The following SNRPN variants were observed in gnomAD, a reference collection of about 807,000 sequenced individuals.
SNRPN encodes the protein small nuclear ribonucleoprotein polypeptide N, also known as small nuclear ribonucleoprotein-associated protein N.
A neutral mutation model predicts 25.2 loss-of-function variants in SNRPN; 7 were observed. The observed-to-expected ratio is 0.28, with a 90% confidence interval of 0.16 to 0.52. The LOEUF is 0.52. Among genes scored for constraint, SNRPN ranks in the 20% least tolerant of loss-of-function variants. The probability of loss-of-function intolerance (pLI) is 0.96; values close to 1 mark genes in which losing one functional copy is unlikely to be tolerated. For missense variants in SNRPN, 196 were observed against 322.5 expected (o/e 0.61, Z 3.00); for synonymous variants, 124 against 110.6 (o/e 1.12, Z -0.76).
intron 2 of SNRPN, among the ~76,000 whole-genome samples, chr15:24,902,910 C>T (rs2058560086): frequency 1.3e-5 from 2 of 152,240 alleles, no homozygotes; most frequent in African/African-American, 4.8e-5. Context: ...TGGGTTGCCA[C>T]TGCTGGCTCC....
chr15:24,912,987 T>A (rs1397514463), intron 2 of SNRPN, among the ~76,000 whole-genome samples: 1 of 152,204 alleles, frequency 6.6e-6, no homozygotes, highest in African/African-American at 2.4e-5. Flanking sequence ...TCGCCCAGGC[T>A]GGAGTACAGT....
At chr15:24,948,570 GT>G (rs1422350076) in intron 3 of SNRPN, among the ~76,000 whole-genome samples, 1 of 151,754 alleles carries the variant, frequency 6.6e-6, no homozygotes, top group South Asian at 2.1e-4. Context: ...GATGTCTTTG[GT>G]TTTTCTAAAA....
intron 1 of SNRPN, among the ~76,000 whole-genome samples, chr15:24,868,862 T>A (rs1312527823): frequency 2.0e-5 from 3 of 152,002 alleles, no homozygotes; most frequent in Admixed American, 1.3e-4. Context: ...AGAGACCAGG[T>A]GCAATAGCTC....
At chr15:24,854,074 A>G (rs1218332573), upstream of SNRPN, among the ~76,000 whole-genome samples, 1 of 149,746 alleles carries the variant, frequency 6.7e-6, no homozygotes, top group Non-Finnish European at 1.5e-5. Flanking sequence ...ACATTTTACT[A>G]GTTTATTTTG....
chr15:24,967,641 TAAAA>T (rs35079024), intron 2 of SNRPN, among the ~76,000 whole-genome samples: 1 of 133,916 alleles, frequency 7.5e-6, no homozygotes, highest in Non-Finnish European at 1.6e-5. Flanking sequence ...GACTCTGTCT[TAAAA>T]AAAAAAAAAA....
chr15:24,946,812 A>G (rs2061921877), intron 3 of SNRPN, among the ~76,000 whole-genome samples: 1 of 152,144 alleles, frequency 6.6e-6, no homozygotes, highest in Admixed American at 6.5e-5. Flanking sequence ...TTAATTTTTT[A>G]TGGATCTAGT....
At chr15:24,931,170 G>C (rs2060828263) in intron 3 of SNRPN, among the ~76,000 whole-genome samples, 1 of 152,102 alleles carries the variant, frequency 6.6e-6, no homozygotes, top group African/African-American at 2.4e-5. Flanking sequence ...TTTGCAATTA[G>C]TTTTGCTTCT....
chr15:24,871,157 C>T (rs1177345826), intron 1 of SNRPN, among the ~76,000 whole-genome samples: 2 of 151,950 alleles, frequency 1.3e-5, no homozygotes, highest in African/African-American at 4.8e-5. Flanking sequence ...CTCCCAAGTG[C>T]TAGGATTACA....
chr15:24,921,061 C>A (rs968647734), intron 3 of SNRPN: 25 of 152,140 alleles, frequency 1.6e-4, no homozygotes, highest in African/African-American at 5.3e-4. Context: ...CATGATTTGT[C>A]TGGTGTAATA....
intron 1 of SNRPN, among the ~76,000 whole-genome samples, chr15:24,861,177 A>T (rs977246545): frequency 6.6e-6 from 1 of 152,208 alleles, no homozygotes; most frequent in African/African-American, 2.4e-5. Flanking sequence ...AATCATGGAA[A>T]TACCTTCTGA....
intron 1 of SNRPN, among the ~76,000 whole-genome samples, chr15:24,883,663 A>T (rs2056937566): frequency 1.3e-5 from 2 of 152,130 alleles, no homozygotes; most frequent in Admixed American, 1.3e-4. Flanking sequence ...TATATGTTTT[A>T]TTATATTCAC....
chr15:24,915,771 A>C (rs1044323347), intron 2 of SNRPN, among the ~76,000 whole-genome samples: 2 of 152,170 alleles, frequency 1.3e-5, no homozygotes, highest in Non-Finnish European at 2.9e-5. Flanking sequence ...ACTTTTAAAA[A>C]TCTATGTAAT....
chr15:24,879,426 G>C (rs1238910595), intron 1 of SNRPN, among the ~76,000 whole-genome samples: 1 of 136,990 alleles, frequency 7.3e-6, no homozygotes, highest in East Asian at 2.1e-4. Flanking sequence ...GACAGAGTGC[G>C]ATTCTGTCTC....
At chr15:24,965,320 C>G (rs2075448616) in intron 2 of SNRPN, among the ~76,000 whole-genome samples, 1 of 151,996 alleles carries the variant, frequency 6.6e-6, no homozygotes, top group Non-Finnish European at 1.5e-5. Context: ...GGCAGATCAC[C>G]TGAGGTCAGG....
intron 5 of SNRPN, 69 bp downstream of exon 5, chr15:24,975,578 A>G: frequency 3.0e-6 from 4 of 1,351,868 alleles, no homozygotes; most frequent in Non-Finnish European, 4.2e-6. Flanking sequence ...GAGCTGGAGT[A>G]AGGGATTTCC....
At chr15:24,967,396 T>G (rs2075796127) in intron 2 of SNRPN, among the ~76,000 whole-genome samples, 1 of 152,030 alleles carries the variant, frequency 6.6e-6, no homozygotes, top group South Asian at 2.1e-4. Context: ...TCCCAGCACT[T>G]TGGGAGGCCA....
At chr15:24,846,084 C>CA (rs59290191) in intron 2 of SNRPN, among the ~76,000 whole-genome samples, 44,699 of 136,962 alleles carry the variant, frequency 0.33, 6,668 homozygotes, top group Non-Finnish European at 0.35. Flanking sequence ...GACTCCGTCT[C>CA]AAAAAAAAAA....
At chr15:24,952,300 TAGTTTTATTGCAG>T (rs1296454562), upstream of SNRPN, among the ~76,000 whole-genome samples, 3 of 152,178 alleles carry the variant, frequency 2.0e-5, no homozygotes, top group Non-Finnish European at 4.4e-5. Flanking sequence ...CTGTACAGAA[TAGTTTTATTGCAG>T]TTTTAGTGTC....
chr15:24,834,751 C>CTCTCTCTCTCTCTATATATATATATGTA, intron 2 of SNRPN, among the ~76,000 whole-genome samples: 1 of 60,956 alleles, frequency 1.6e-5, no homozygotes, highest in African/African-American at 5.9e-5. Flanking sequence ...CTCTCTCTCT[C>CTCTCTCTCTCTCTATATATATATATGTA]TATATATATA....
Sources: allele counts gnomAD v4.1 joint callset (sites outside exome capture counted in the v4.1 genomes callset), GRCh38; gene constraint gnomAD v4.1.1; transcripts MANE v1.5; gene names NCBI Gene and HGNC (gene_info 2026-07-23, HGNC 2026-07-21).